Variants in SLC14A2 observed in about 807,000 individuals in gnomAD.
The protein encoded by SLC14A2 is urea transporter 2.
SLC14A2 carries 91 observed loss-of-function variants against 104.6 expected under a neutral mutation model. That is an observed-to-expected ratio of 0.87 (90% confidence interval 0.73 to 1.04). The LOEUF is 1.04. Ranked by LOEUF, SLC14A2 falls within the 50% of genes least tolerant of loss-of-function variation. The pLI is 0.00. For missense variants in SLC14A2, 1,189 were observed against 1,156.0 expected, an observed-to-expected ratio of 1.03 and a Z score of -0.41; for synonymous variants, 476 against 466.4, an observed-to-expected ratio of 1.02 and a Z score of -0.27.
chr18:45,208,165 A>G (rs2083931294), upstream of SLC14A2, among the ~76,000 whole-genome samples: 1 of 152,218 alleles, frequency 6.6e-6, no homozygotes, highest in South Asian at 2.1e-4. Context: ...GCCCATGGGC[A>G]CCTAAAGCTA....
intron 1 of SLC14A2, among the ~76,000 whole-genome samples, chr18:45,242,559 C>T (rs182568228): frequency 2.6e-5 from 4 of 152,318 alleles, no homozygotes; most frequent in African/African-American, 4.8e-5. Flanking sequence ...TCCAGTAAAG[C>T]GACTGCCAGC....
intron 1 of SLC14A2, among the ~76,000 whole-genome samples, chr18:45,312,732 A>G (rs576016837): frequency 6.6e-6 from 1 of 152,348 alleles, no homozygotes; most frequent in African/African-American, 2.4e-5. Context: ...GCTATTGTGC[A>G]GGCAAGGCTG....
intron 1 of SLC14A2, among the ~76,000 whole-genome samples, chr18:45,301,066 G>A (rs1000116263): frequency 3.9e-5 from 6 of 152,206 alleles, no homozygotes; most frequent in South Asian, 2.1e-4. Flanking sequence ...TAAGCAGATC[G>A]TCTGCCTGAT....
At position 45,667,019 on chromosome 18, in the gene SLC14A2, G is replaced by A; in HGVS notation, c.1642G>A (p.Ala548Thr). 6.2e-7 allele frequency: 1 copy of A among 1,613,848 alleles called. No individual in the cohort carries two copies. Among genetic ancestry groups the A allele is most frequent in the Non-Finnish European group, 8.5e-7 (1 of 1,179,726 alleles). ...ATCCTGGATTCGGAGTTCCATGGCT[G>A]CCAGTGGGAAAAGGGTCAGCAAAGC... ...KTSWIRSSMA[A>T]SGKRVSKALS... The change falls in exon 13 of 20, where the codon GCC becomes ACC. Residue 548 changes from alanine (A) to threonine (T), a missense_variant. By Grantham distance (58) the Ala-to-Thr change is moderately conservative. Coordinates refer to ENST00000255226, the MANE Select transcript of SLC14A2 (RefSeq NM_007163.4).
Position 45,547,903 on chromosome 18 carries a change from G to T in SLC14A2, c.-35+64581G>T, listed in dbSNP as rs2542984. Reference sequence around the variant, plus strand: ...CTATGAGGGCCCAAAGAGCAAAAGGGTTGGCCTGGGGTGATCAGAGGAGGG... The same window carrying T: ...CTATGAGGGCCCAAAGAGCAAAAGGTTTGGCCTGGGGTGATCAGAGGAGGG... On this transcript the variant is annotated intron_variant, in intron 2 of 20. Transcript: ENST00000586448. Among the ~76,000 whole-genome samples the T allele has an allele frequency of 7.7e-3, 1,166 of 152,312 alleles. 19 individuals carry two copies. Among genetic ancestry groups the T allele is most frequent in the African/African-American group, 0.027 (1,116 of 41,564 alleles).
At chr18:45,446,448 A>G (rs2086771482) in intron 1 of SLC14A2, among the ~76,000 whole-genome samples, 1 of 152,200 alleles carries the variant, frequency 6.6e-6, no homozygotes, top group Admixed American at 6.5e-5. Context: ...AGCCAGGAAG[A>G]AAGCCCTCAC....
intron 1 of SLC14A2, among the ~76,000 whole-genome samples, chr18:45,332,980 T>C (rs1477923896): frequency 6.6e-6 from 1 of 152,164 alleles, no homozygotes; most frequent in Non-Finnish European, 1.5e-5. Context: ...TCCTGAAGAA[T>C]TCATAAAAAT....
At chr18:45,542,771 G>C (rs1169476862) in intron 2 of SLC14A2, among the ~76,000 whole-genome samples, 1 of 152,090 alleles carries the variant, frequency 6.6e-6, no homozygotes, top group African/African-American at 2.4e-5. Context: ...TGAGGTTTCT[G>C]CAGTGGAAGG....
chr18:45,617,662 T>TG (rs1231886280), intron 1 of SLC14A2, among the ~76,000 whole-genome samples: 1 of 152,144 alleles, frequency 6.6e-6, no homozygotes, highest in African/African-American at 2.4e-5. Flanking sequence ...CTCCCCTCCC[T>TG]GATCTCCCTG....
At chr18:45,630,992 A>G (rs2045336292) in intron 4 of SLC14A2, among the ~76,000 whole-genome samples, 1 of 152,068 alleles carries the variant, frequency 6.6e-6, no homozygotes, top group Non-Finnish European at 1.5e-5. Flanking sequence ...CCTGGTCACT[A>G]CAGAGGTGAA....
chr18:45,623,938 C>A (rs2045217703), intron 1 of SLC14A2, among the ~76,000 whole-genome samples: 1 of 152,124 alleles, frequency 6.6e-6, no homozygotes, highest in Admixed American at 6.6e-5. Context: ...ACAGCACTAC[C>A]AAGGGGAAGC....
intron 2 of SLC14A2, among the ~76,000 whole-genome samples, chr18:45,565,627 C>T (rs879308062): frequency 2.0e-5 from 3 of 152,168 alleles, no homozygotes; most frequent in Admixed American, 6.5e-5. Flanking sequence ...CACATCTGGT[C>T]GGTGGCAGAA....
chr18:45,285,665 C>T (rs928982673), intron 1 of SLC14A2, among the ~76,000 whole-genome samples: 2 of 77,720 alleles, frequency 2.6e-5, no homozygotes, highest in African/African-American at 2.0e-4. Context: ...TGATCTGCCC[C>T]CCCCCCCCCT....
At chr18:45,212,520 A>G (rs1490462507), upstream of SLC14A2, among the ~76,000 whole-genome samples, 1 of 152,212 alleles carries the variant, frequency 6.6e-6, no homozygotes, top group Non-Finnish European at 1.5e-5. Flanking sequence ...GGCATACAGT[A>G]CGCGCAAGAG....
At chr18:45,504,329 G>T (rs1371397708) in intron 2 of SLC14A2, among the ~76,000 whole-genome samples, 2 of 152,178 alleles carry the variant, frequency 1.3e-5, no homozygotes, top group Non-Finnish European at 2.9e-5. Context: ...ACCAAGGATA[G>T]CATAATGAAT....
intron 1 of SLC14A2, among the ~76,000 whole-genome samples, chr18:45,459,871 A>C (rs1367162765): frequency 1.3e-5 from 2 of 152,194 alleles, no homozygotes; most frequent in African/African-American, 2.4e-5. Context: ...ATTTGAGAAA[A>C]CAGCAGAGAC....
intron 1 of SLC14A2, among the ~76,000 whole-genome samples, chr18:45,433,146 C>T (rs1482795194): frequency 6.6e-6 from 1 of 152,140 alleles, no homozygotes; most frequent in Non-Finnish European, 1.5e-5. Flanking sequence ...AGGTTTGAGT[C>T]CTGACCCCAA....
At chr18:45,383,481 T>C (rs1472873023) in intron 1 of SLC14A2, among the ~76,000 whole-genome samples, 1 of 152,220 alleles carries the variant, frequency 6.6e-6, no homozygotes, top group Non-Finnish European at 1.5e-5. Flanking sequence ...AGAGGCTGTT[T>C]AGATGGTCTT....
At chr18:45,679,343 T>C (rs2046279266) in intron 19 of SLC14A2, among the ~76,000 whole-genome samples, 1 of 152,246 alleles carries the variant, frequency 6.6e-6, no homozygotes. Flanking sequence ...TATTATTTAA[T>C]TTGTGTGTGC....
Sources: allele counts gnomAD v4.1 joint callset (sites outside exome capture counted in the v4.1 genomes callset), GRCh38; gene constraint gnomAD v4.1.1; transcripts MANE v1.5; gene names NCBI Gene and HGNC (gene_info 2026-07-23, HGNC 2026-07-21).